ITGAE: variants seen among roughly 807,000 people sequenced by gnomAD.
ITGAE encodes integrin alpha-E.
In ITGAE, 99 loss-of-function variants were observed where a neutral mutation model predicts 136.5. The ratio of observed to expected loss-of-function variants is 0.73; its 90% CI spans 0.62 to 0.86. The LOEUF (loss-of-function observed/expected upper bound fraction) is 0.86, where lower values mean the gene tolerates loss of function less well. ITGAE is among the 40% of genes least tolerant of loss of function. The probability of loss-of-function intolerance (pLI) is 0.00; values close to 1 mark genes in which losing one functional copy is unlikely to be tolerated. For synonymous variants in ITGAE, 613 were observed against 591.8 expected (o/e 1.04, Z -0.52); for missense variants, 1,447 against 1,515.3 (o/e 0.95, Z 0.75).
At chr17:3,797,203 T>C (rs865876226) in intron 1 of ITGAE, among the ~76,000 whole-genome samples, 19 of 136,040 alleles carry the variant, frequency 1.4e-4, no homozygotes, top group African/African-American at 4.2e-4. Context: ...TCTCGCTCTG[T>C]CGCCCAGGCT....
At chr17:3,791,272 T>A (rs2052932752) in intron 1 of ITGAE, among the ~76,000 whole-genome samples, 1 of 151,940 alleles carries the variant, frequency 6.6e-6, no homozygotes, top group South Asian at 2.1e-4. Context: ...TTGTGGCTAT[T>A]TAAGAAAATG....
intron 1 of ITGAE, among the ~76,000 whole-genome samples, chr17:3,782,818 T>A (rs1309554243): frequency 6.6e-6 from 1 of 152,172 alleles, no homozygotes; most frequent in Non-Finnish European, 1.5e-5. Flanking sequence ...CTTTTTCGTC[T>A]CTAAATACAC....
intron 17 of ITGAE, among the ~76,000 whole-genome samples, chr17:3,746,705 G>C (rs143574355): frequency 6.6e-6 from 1 of 151,352 alleles, no homozygotes; most frequent in Admixed American, 6.6e-5. Flanking sequence ...TGATCCACCC[G>C]CCTCGGCCTC....
At chr17:3,717,372 A>G in intron 29 of ITGAE, 2 of 152,476 alleles carry the variant, frequency 1.3e-5, no homozygotes, top group Middle Eastern at 3.4e-3. Context: ...TAATAAATGC[A>G]AATTATATCC....
intron 2 of ITGAE, among the ~76,000 whole-genome samples, chr17:3,768,167 T>C (rs943820109): frequency 1.3e-5 from 2 of 151,690 alleles, no homozygotes; most frequent in Admixed American, 6.6e-5. Flanking sequence ...TTCTGTCACC[T>C]AAGTTGAAGT....
chr17:3,769,427 C>T (rs537922888), intron 2 of ITGAE, among the ~76,000 whole-genome samples: 11 of 152,048 alleles, frequency 7.2e-5, no homozygotes, highest in Middle Eastern at 6.8e-3. Flanking sequence ...CCCAAGACTG[C>T]CATTCATGCC....
At chr17:3,725,930 C>T in intron 26 of ITGAE, 1 of 1,613,640 alleles carries the variant, frequency 6.2e-7, no homozygotes, top group Non-Finnish European at 8.5e-7. Flanking sequence ...TCAAAAAACT[C>T]CACTACACCC....
chr17:3,771,542 T>C (rs1204142848), intron 2 of ITGAE, among the ~76,000 whole-genome samples: 7 of 149,242 alleles, frequency 4.7e-5, no homozygotes, highest in South Asian at 2.1e-4. Flanking sequence ...CTCTTTTTTT[T>C]TTTTTTTTTT....
rs914195296 is a variant in ITGAE at position 3,757,114 on chromosome 17, A to G, written c.1041T>C (p.Ser347=). 2 of 1,613,822 alleles carry G rather than the reference A, an allele frequency of 1.2e-6. No homozygotes were observed. The highest frequency in any genetic ancestry group is 2.7e-5 in the African/African-American group (2 of 74,824). The change falls in exon 10 of 31, where the codon AGT becomes AGC. Residue 347 remains serine (S), a synonymous_variant. Transcript: ENST00000263087. ...FAIGVGEEFK[S]ARTARELNLI... ...GGTTCAGTTCCCTCGCAGTCCTAGCACTCTTAAATTCTTCTCCCACCTGCA... is the reference window on the plus strand; with the variant it reads ...GGTTCAGTTCCCTCGCAGTCCTAGCGCTCTTAAATTCTTCTCCCACCTGCA...
intron 2 of ITGAE, among the ~76,000 whole-genome samples, chr17:3,767,864 T>C (rs1424422403): frequency 6.6e-6 from 1 of 152,160 alleles, no homozygotes; most frequent in Admixed American, 6.5e-5. Flanking sequence ...CACTCCCACC[T>C]TGGTCTTCCA....
In ITGAE at chr17:3,761,648, C is replaced by T. The variant is rs938872992; in HGVS notation, c.316-128G>A. 2.4e-5 allele frequency: 20 copies of T among 846,856 alleles called. No individual in the cohort carries two copies. In the South Asian group the frequency reaches 3.4e-4, roughly 14 times the overall value. 52.5% of individuals were successfully genotyped at this position (846,856 alleles called of 1,614,324 possible). A position where few individuals can be genotyped will look rare whatever the true frequency, so the allele number is the denominator to read the frequency against. On this transcript the variant is annotated intron_variant, in intron 4 of 30. Transcript: ENST00000263087. ...GCAGGGGGCACAGGAAGAGCTGGCC[C>T]ACCCCTCACCGGGTGTAGGAGTCAG...
intron 20 of ITGAE, 45 bp downstream of exon 20, chr17:3,739,760 C>A: frequency 6.5e-7 from 1 of 1,536,752 alleles, no homozygotes; most frequent in South Asian, 1.1e-5. Context: ...GGCAAGCGTT[C>A]GGGAGAAGGT....
chr17:3,774,787 G>C (rs535327133), intron 2 of ITGAE, among the ~76,000 whole-genome samples: 1 of 152,126 alleles, frequency 6.6e-6, no homozygotes, highest in Non-Finnish European at 1.5e-5. Flanking sequence ...AATAGGTAAA[G>C]AAATAAATAA....
At chr17:3,724,032 C>T (rs2051137940) in intron 26 of ITGAE, 1 of 1,591,334 alleles carries the variant, frequency 6.3e-7, no homozygotes, top group Non-Finnish European at 8.5e-7. Context: ...GGAAGCCGCG[C>T]AGTGGTTCCC....
intron 22 of ITGAE, 28 bp from the exon 23 acceptor site, chr17:3,731,211 T>C: frequency 1.9e-6 from 3 of 1,575,146 alleles, no homozygotes; most frequent in Non-Finnish European, 2.6e-6. Context: ...AAATGGTCAG[T>C]TGATTCTCTC....
rs2053192464 is a variant in ITGAE, at chr17:3,799,242, A to G, written c.34+1869T>C. Among the ~76,000 whole-genome samples, 1 of 152,106 alleles carries G rather than the reference A, an allele frequency of 6.6e-6. No individual in the cohort carries two copies. Among genetic ancestry groups the G allele is most frequent in the Admixed American group, 6.5e-5 (1 of 15,276 alleles). On this transcript the variant is annotated intron_variant, in intron 1 of 30. Coordinates refer to ENST00000263087, the MANE Select transcript of ITGAE (RefSeq NM_002208.5). The surrounding 1 kb of genome is among the most constrained non-coding windows in gnomAD (Gnocchi z 4.1). ...GCCCATCCTAGTCTCAGGACCTCAC[A>G]GCATGGAGCAGAACTGCAGCAGCCT...
At chr17:3,752,906 G>A (rs966286394) in intron 14 of ITGAE, among the ~76,000 whole-genome samples, 13 of 152,084 alleles carry the variant, frequency 8.5e-5, no homozygotes, top group African/African-American at 1.2e-4. Flanking sequence ...AAAATTAGCC[G>A]GGTGTGTGGC....
rs1028991569 is a variant in ITGAE at position 3,793,146 on chromosome 17, G to A, written c.34+7965C>T. 4.6e-5 allele frequency among the ~76,000 whole-genome samples: 7 copies of A among 151,670 alleles called. No homozygotes were observed. In the South Asian group the frequency reaches 6.3e-4, roughly 14 times the overall value. Reference sequence around the variant, plus strand: ...CGTCTCACTGCAACCTCCGCCTCCCGGGTTCAAGCGATTCTCCTGCCTCAG... The same window carrying A: ...CGTCTCACTGCAACCTCCGCCTCCCAGGTTCAAGCGATTCTCCTGCCTCAG... On this transcript the variant is annotated intron_variant, in intron 1 of 30. Coordinates refer to ENST00000263087, the MANE Select transcript of ITGAE (RefSeq NM_002208.5).
chr17:3,786,128 C>G lies in ITGAE; in HGVS notation c.35-8468G>C, dbSNP rs937388708. On this transcript the variant is annotated intron_variant, in intron 1 of 30. Transcript: ENST00000263087. ...CTTGCAGTGAGCCGAGATCGCGCCACTGCACTCCAGCCTGGGTGACAGAGA... is the reference window on the plus strand; with the variant it reads ...CTTGCAGTGAGCCGAGATCGCGCCAGTGCACTCCAGCCTGGGTGACAGAGA... 6.2e-5 allele frequency among the ~76,000 whole-genome samples: 9 copies of G among 146,208 alleles called. No homozygotes were observed. In the East Asian group the frequency reaches 1.8e-3, roughly 29 times the overall value.
Sources: allele counts gnomAD v4.1 joint callset (sites outside exome capture counted in the v4.1 genomes callset), GRCh38; gene constraint gnomAD v4.1.1; non-coding constraint Gnocchi (gnomAD v3.1); transcripts MANE v1.5; gene names NCBI Gene and HGNC (gene_info 2026-07-23, HGNC 2026-07-21).